SLX4IP: variants seen among roughly 807,000 people sequenced by gnomAD.
SLX4IP encodes the protein protein SLX4IP.
SLX4IP carries 34 observed loss-of-function variants against 32.9 expected under a neutral mutation model. The observed-to-expected ratio is 1.03, with a 90% CI of 0.79 to 1.38. The LOEUF (loss-of-function observed/expected upper bound fraction) is 1.38, where lower values mean the gene tolerates loss of function less well. Among genes scored for constraint, SLX4IP ranks in the 40% most tolerant of loss-of-function variants. SLX4IP has a pLI of 0.00. For synonymous variants in SLX4IP, 172 were observed against 171.7 expected, an observed-to-expected ratio of 1.00 and a Z score of -0.01; for missense variants, 444 against 479.0, an observed-to-expected ratio of 0.93 and a Z score of 0.68.
intron 6 of SLX4IP, chr20:10,613,769 G>T: frequency 1.9e-6 from 3 of 1,613,632 alleles, no homozygotes; most frequent in East Asian, 4.5e-5. Flanking sequence ...TGTACTGCAC[G>T]CAAAGCACAG....
At chr20:10,599,444 G>A (rs1344768742) in intron 5 of SLX4IP, among the ~76,000 whole-genome samples, 2 of 151,936 alleles carry the variant, frequency 1.3e-5, no homozygotes, top group Non-Finnish European at 2.9e-5. Context: ...TTATTTGTTT[G>A]TTTTTGAGAC....
intron 2 of SLX4IP, among the ~76,000 whole-genome samples, chr20:10,524,591 A>G (rs540936035): frequency 1.3e-5 from 2 of 152,366 alleles, no homozygotes; most frequent in Admixed American, 6.5e-5. Context: ...GTTTAAAATA[A>G]TTAATATTTT....
rs753911363 is a variant in SLX4IP at position 10,621,421 on chromosome 20, G to A, written c.506+7G>A. 2.5e-6 allele frequency: 4 copies of A among 1,613,132 alleles called. No individual in the cohort carries two copies. The highest frequency in any genetic ancestry group is 2.2e-5 in the East Asian group (1 of 44,866). Reference sequence around the variant, plus strand: ...GAAATGCTCTGAAAGAAATGTAGGTGCAATGTGTTTCCTTTTTCTCATTTT... The same window carrying A: ...GAAATGCTCTGAAAGAAATGTAGGTACAATGTGTTTCCTTTTTCTCATTTT... On this transcript the variant is annotated splice_region_variant and intron_variant, in intron 7 of 7. Coordinates refer to ENST00000334534, the MANE Select transcript of SLX4IP (RefSeq NM_001009608.3).
At chr20:10,567,553 T>G (rs1246696635) in intron 4 of SLX4IP, among the ~76,000 whole-genome samples, 1 of 152,168 alleles carries the variant, frequency 6.6e-6, no homozygotes, top group African/African-American at 2.4e-5. Flanking sequence ...TCCACAACTG[T>G]GAGGACGTAA....
intron 6 of SLX4IP, among the ~76,000 whole-genome samples, chr20:10,603,437 G>A (rs2066867213): frequency 1.3e-5 from 2 of 152,112 alleles, no homozygotes; most frequent in African/African-American, 2.4e-5. Context: ...AACTCTCACC[G>A]GTCTAAGCCT....
chr20:10,546,461 A>C (rs977515687), intron 2 of SLX4IP, among the ~76,000 whole-genome samples: 2 of 152,176 alleles, frequency 1.3e-5, no homozygotes, highest in African/African-American at 2.4e-5. Flanking sequence ...TGCCCTACCT[A>C]TCTGTAAATC....
At chr20:10,570,767 G>A (rs1030045202) in intron 4 of SLX4IP, among the ~76,000 whole-genome samples, 1 of 152,236 alleles carries the variant, frequency 6.6e-6, no homozygotes. Flanking sequence ...GACCTCAAGT[G>A]ACCCACCCGC....
chr20:10,465,744 G>A (rs372979525), intron 2 of SLX4IP, among the ~76,000 whole-genome samples: 18 of 152,350 alleles, frequency 1.2e-4, no homozygotes, highest in African/African-American at 4.3e-4. Flanking sequence ...GACTTTTAGT[G>A]ATCCGCCTGC....
At chr20:10,589,753 T>G (rs903072634) in intron 4 of SLX4IP, among the ~76,000 whole-genome samples, 2 of 152,138 alleles carry the variant, frequency 1.3e-5, no homozygotes, top group African/African-American at 4.8e-5. Context: ...ATTTCGTTTT[T>G]GTAGAAAGAA....
chr20:10,530,569 C>A (rs998108498), intron 2 of SLX4IP, among the ~76,000 whole-genome samples: 1 of 152,082 alleles, frequency 6.6e-6, no homozygotes, highest in Non-Finnish European at 1.5e-5. Flanking sequence ...CCTGACCACA[C>A]GTAAATTGAG....
Position 10,497,081 on chromosome 20 carries a change from C to T in SLX4IP, c.27+38850C>T, listed in dbSNP as rs151256746. On this transcript the variant is annotated intron_variant, in intron 2 of 7. Coordinates refer to ENST00000334534, the MANE Select transcript of SLX4IP (RefSeq NM_001009608.3). ...TTTTTTGTTTTTAATCAGTATCTGG[C>T]GTCACTATTGTTTCAGGTATCCCAT... 4.3e-4 allele frequency among the ~76,000 whole-genome samples: 65 copies of T among 152,122 alleles called. No homozygotes were observed. The East Asian group carries it at 0.01, about 24-fold the overall frequency.
chr20:10,436,922 G>GT (rs971901286), intron 1 of SLX4IP, among the ~76,000 whole-genome samples: 47 of 143,702 alleles, frequency 3.3e-4, no homozygotes, highest in South Asian at 8.9e-4. Context: ...ACTGGTTTGC[G>GT]TTTTTTTTTT....
intron 1 of SLX4IP, among the ~76,000 whole-genome samples, chr20:10,456,070 G>A (rs941547002): frequency 6.6e-6 from 1 of 152,152 alleles, no homozygotes; most frequent in Non-Finnish European, 1.5e-5. Context: ...TCAAAATGAA[G>A]TCAAAACTTT....
At chr20:10,563,383 T>C (rs1368523250) in intron 4 of SLX4IP, among the ~76,000 whole-genome samples, 2 of 152,264 alleles carry the variant, frequency 1.3e-5, no homozygotes, top group Non-Finnish European at 2.9e-5. Flanking sequence ...TTGTTTCCTT[T>C]GCTGTATAGA....
At chr20:10,565,016 T>G (rs2066374844) in intron 4 of SLX4IP, among the ~76,000 whole-genome samples, 1 of 152,184 alleles carries the variant, frequency 6.6e-6, no homozygotes, top group African/African-American at 2.4e-5. Context: ...TAGTTTAGGT[T>G]TGTGGTTTTT....
chr20:10,580,438 C>T lies in SLX4IP; in HGVS notation c.239-18237C>T, dbSNP rs76033744. Among the ~76,000 whole-genome samples, 4 of 151,538 alleles carry T rather than the reference C, an allele frequency of 2.6e-5. No individual in the cohort carries two copies. In the East Asian group the frequency reaches 7.8e-4, roughly 29 times the overall value. On this transcript the variant is annotated intron_variant, in intron 4 of 7. Coordinates refer to ENST00000334534, the MANE Select transcript of SLX4IP (RefSeq NM_001009608.3). ...ATCCTCTGCTTGAATGTTTCCCATC[C>T]TTGAGGATCTCCCTCCTCCCAATTT...
At chr20:10,475,301 G>C (rs1298262857) in intron 2 of SLX4IP, among the ~76,000 whole-genome samples, 1 of 152,228 alleles carries the variant, frequency 6.6e-6, no homozygotes, top group African/African-American at 2.4e-5. Flanking sequence ...GGAAAGTGAG[G>C]ATCTCAGAAG....
intron 2 of SLX4IP, among the ~76,000 whole-genome samples, chr20:10,524,057 G>C (rs2065921933): frequency 6.6e-6 from 1 of 152,230 alleles, no homozygotes; most frequent in Non-Finnish European, 1.5e-5. Context: ...GGACCAGCGG[G>C]CTCATGACCC....
chr20:10,451,241 A>G (rs1054723068), intron 1 of SLX4IP, among the ~76,000 whole-genome samples: 8 of 151,356 alleles, frequency 5.3e-5, no homozygotes, highest in African/African-American at 1.7e-4. Flanking sequence ...GCTCACTGCA[A>G]TTTGCGCCTG....
Sources: gnomAD v4.1 joint callset for allele counts (sites outside exome capture counted in the v4.1 genomes callset) on GRCh38, gnomAD v4.1.1 for gene constraint, MANE v1.5 for transcripts, NCBI Gene and HGNC (gene_info 2026-07-23, HGNC 2026-07-21) for gene names.